CEP112: variants seen among roughly 807,000 people sequenced by gnomAD.
The protein encoded by CEP112 is centrosomal protein 112.
Under a neutral mutation model 153.0 loss-of-function variants are expected in CEP112, and 127 were observed. The observed-to-expected ratio is 0.83, with a 90% confidence interval of 0.72 to 0.96. CEP112 has a LOEUF of 0.96. CEP112 is among the 40% of genes least tolerant of loss of function. CEP112 has a pLI of 0.00. For synonymous variants in CEP112, 358 were observed against 374.4 expected (o/e 0.96, Z 0.51); for missense variants, 1,089 against 1,101.2 (o/e 0.99, Z 0.16).
intron 24 of CEP112, among the ~76,000 whole-genome samples, chr17:65,668,651 G>C (rs1445697766): frequency 6.6e-6 from 1 of 152,194 alleles, no homozygotes; most frequent in African/African-American, 2.4e-5. Flanking sequence ...ACAGCACCAA[G>C]TTGAGGTACT....
chr17:65,770,199 C>A (rs2053256895), intron 21 of CEP112, among the ~76,000 whole-genome samples: 1 of 150,846 alleles, frequency 6.6e-6, no homozygotes. Context: ...CATATCAAGG[C>A]ATAACATAAT....
intron 12 of CEP112, among the ~76,000 whole-genome samples, chr17:66,036,340 TAA>T (rs1372861361): frequency 6.6e-6 from 1 of 151,738 alleles, no homozygotes; most frequent in Non-Finnish European, 1.5e-5. Flanking sequence ...AAAAATGTGT[TAA>T]GAGGGTAGAT....
intron 8 of CEP112, among the ~76,000 whole-genome samples, chr17:66,077,489 T>C (rs548138166): frequency 6.6e-6 from 1 of 152,248 alleles, no homozygotes; most frequent in East Asian, 1.9e-4. Context: ...GGTCTTCTAA[T>C]TAACCCAATC....
intron 1 of CEP112, among the ~76,000 whole-genome samples, chr17:66,190,628 TC>T (rs2073129351): frequency 6.6e-6 from 1 of 152,120 alleles, no homozygotes; most frequent in Non-Finnish European, 1.5e-5. Context: ...AATAAATAAT[TC>T]CAAAGGTAAA....
Position 65,884,334 on chromosome 17 carries a change from T to C in CEP112, c.2163+17818A>G, listed in dbSNP as rs201448118. On this transcript the variant is annotated intron_variant, in intron 20 of 26. Coordinates refer to ENST00000535342, the MANE Select transcript of CEP112 (RefSeq NM_001199165.4). ...TTGCAGTGATGAATATCTAGCTACC[T>C]GGTGAAAAGCAATGAAGACTAGCTA... Among the ~76,000 whole-genome samples the C allele has an allele frequency of 7.9e-5, 12 of 152,300 alleles. No individual in the cohort carries two copies. In the East Asian group the frequency reaches 2.1e-3, roughly 27 times the overall value.
chr17:66,111,860 G>A (rs538374366), intron 6 of CEP112, among the ~76,000 whole-genome samples: 1 of 152,218 alleles, frequency 6.6e-6, no homozygotes, highest in African/African-American at 2.4e-5. Flanking sequence ...ATCAGTAAGA[G>A]AGAAATTAAT....
rs563029485 is a variant in CEP112, at chr17:65,839,399, A to C, written c.2394+12405T>G. On this transcript the variant is annotated intron_variant, in intron 21 of 26. Coordinates refer to ENST00000535342, the MANE Select transcript of CEP112 (RefSeq NM_001199165.4). ...GATACATCACATTAACGAAACCAAG[A>C]ACAAAAACCATATGGTCACTTTAGT... Among the ~76,000 whole-genome samples the C allele has an allele frequency of 1.1e-4, 16 of 152,168 alleles. No homozygotes were observed. In the South Asian group the frequency reaches 2.9e-3, roughly 28 times the overall value.
At chr17:65,920,536 C>T (rs1482200351) in intron 19 of CEP112, among the ~76,000 whole-genome samples, 1 of 149,016 alleles carries the variant, frequency 6.7e-6, no homozygotes, top group Non-Finnish European at 1.5e-5. Flanking sequence ...TAACTGTGGG[C>T]TTTTAGGATT....
At chr17:65,751,951 CTTCTATCT>C (rs1198075024) in intron 21 of CEP112, among the ~76,000 whole-genome samples, 5 of 119,624 alleles carry the variant, frequency 4.2e-5, no homozygotes, top group African/African-American at 1.6e-4. Context: ...CAATACAGTC[CTTCTATCT>C]ATCTATCTAT....
intron 11 of CEP112, among the ~76,000 whole-genome samples, chr17:66,060,327 T>C (rs2066875461): frequency 6.6e-6 from 1 of 152,146 alleles, no homozygotes; most frequent in Admixed American, 6.5e-5. Context: ...GTATCCATAA[T>C]ATTCAAAGCA....
At chr17:65,892,940 T>C (rs1462437193) in intron 20 of CEP112, among the ~76,000 whole-genome samples, 1 of 152,180 alleles carries the variant, frequency 6.6e-6, no homozygotes, top group African/African-American at 2.4e-5. Flanking sequence ...AGGTCCCACT[T>C]GACCCTAGGG....
At chr17:66,091,640 C>T (rs1451490228) in intron 8 of CEP112, among the ~76,000 whole-genome samples, 1 of 151,822 alleles carries the variant, frequency 6.6e-6, no homozygotes, top group Non-Finnish European at 1.5e-5. Context: ...TCTAAAAGAA[C>T]AATCTAAGTC....
intron 1 of CEP112, among the ~76,000 whole-genome samples, chr17:66,188,286 A>ACACAC (rs2073017066): frequency 2.6e-4 from 28 of 109,434 alleles, no homozygotes; most frequent in Non-Finnish European, 4.0e-4. Flanking sequence ...CACACACACA[A>ACACAC]ACACACACAC....
intron 18 of CEP112, among the ~76,000 whole-genome samples, chr17:65,935,994 C>T (rs1446068049): frequency 1.3e-5 from 2 of 151,816 alleles, no homozygotes; most frequent in Non-Finnish European, 2.9e-5. Context: ...ATAAAATTTA[C>T]TAAACATTAG....
intron 21 of CEP112, among the ~76,000 whole-genome samples, chr17:65,781,490 GA>G (rs1160087366): frequency 2.0e-5 from 3 of 150,662 alleles, no homozygotes; most frequent in East Asian, 1.9e-4. Context: ...CACAGAATTG[GA>G]AAAAAAACTG....
At chr17:65,652,354 A>C (rs2045826950) in intron 24 of CEP112, among the ~76,000 whole-genome samples, 1 of 152,184 alleles carries the variant, frequency 6.6e-6, no homozygotes, top group Non-Finnish European at 1.5e-5. Context: ...TCAGGAAAAT[A>C]ACTTTTCAAG....
chr17:65,672,695 T>C (rs1195942808), intron 24 of CEP112, among the ~76,000 whole-genome samples: 2 of 152,150 alleles, frequency 1.3e-5, no homozygotes, highest in African/African-American at 4.8e-5. Context: ...AGCTGAGATC[T>C]GAAGCCAGGC....
intron 21 of CEP112, among the ~76,000 whole-genome samples, chr17:65,812,092 C>T (rs2055998509): frequency 6.6e-6 from 1 of 152,026 alleles, no homozygotes. Context: ...CAAGCTCCAC[C>T]TCCCGGGTTC....
chr17:65,913,117 G>C (rs1211396859), intron 19 of CEP112, among the ~76,000 whole-genome samples: 1 of 152,168 alleles, frequency 6.6e-6, no homozygotes, highest in Admixed American at 6.5e-5. Context: ...ACATCATCAG[G>C]TTATGTCTCT....
Sources: gnomAD v4.1 joint callset for allele counts (sites outside exome capture counted in the v4.1 genomes callset) on GRCh38, gnomAD v4.1.1 for gene constraint, MANE v1.5 for transcripts, NCBI Gene and HGNC (gene_info 2026-07-23, HGNC 2026-07-21) for gene names.